PEAK1: variants seen among roughly 807,000 people sequenced by gnomAD.
PEAK1 encodes pseudopodium enriched atypical kinase 1, also known as inactive tyrosine-protein kinase PEAK1.
In PEAK1, 54 loss-of-function variants were observed where a neutral mutation model predicts 124.7. The ratio of observed to expected loss-of-function variants is 0.43; its 90% CI spans 0.35 to 0.54. The LOEUF (loss-of-function observed/expected upper bound fraction) is 0.54. Ranked by LOEUF, PEAK1 falls within the 20% of genes least tolerant of loss-of-function variation. The probability of loss-of-function intolerance (pLI) is 0.01; values close to 1 mark genes in which losing one functional copy is unlikely to be tolerated. For missense variants in PEAK1, 2,046 were observed against 2,134.5 expected, an observed-to-expected ratio of 0.96 and a Z score of 0.82; for synonymous variants, 719 against 760.0, an observed-to-expected ratio of 0.95 and a Z score of 0.89.
chr15:77,248,598 AC>A (rs899794092), intron 6 of PEAK1, among the ~76,000 whole-genome samples: 10 of 152,142 alleles, frequency 6.6e-5, no homozygotes, highest in African/African-American at 2.4e-4. Context: ...GTGAAAAGAC[AC>A]CATCTATGAA....
intron 1 of PEAK1, chr15:77,419,590 G>T: frequency 1.0e-6 from 1 of 985,112 alleles, no homozygotes; most frequent in East Asian, 1.1e-4. Flanking sequence ...AGGAGCCAGA[G>T]AAGCCCCTCC....
At chr15:77,206,289 A>G (rs1039833854) in intron 6 of PEAK1, among the ~76,000 whole-genome samples, 10 of 146,996 alleles carry the variant, frequency 6.8e-5, no homozygotes, top group East Asian at 2.0e-4. Flanking sequence ...ATAAACATAC[A>G]TGTGCATGTG....
intron 8 of PEAK1, chr15:77,157,334 T>C (rs1490892492): frequency 6.6e-6 from 1 of 152,244 alleles, no homozygotes; most frequent in Non-Finnish European, 1.5e-5. Flanking sequence ...CTGCATGTAG[T>C]AGTCCAGGCT....
chr15:77,355,913 T>C, intron 2 of PEAK1: 2 of 985,364 alleles, frequency 2.0e-6, no homozygotes, highest in Non-Finnish European at 2.4e-6. Context: ...CTGGGTTGAC[T>C]AGGACCCCTG....
At chr15:77,255,508 C>T in intron 5 of PEAK1, 5 of 431,422 alleles carry the variant, frequency 1.2e-5, no homozygotes, top group Non-Finnish European at 1.5e-5. Context: ...TGAAGACATG[C>T]AAACAAGAAA....
At chr15:77,378,211 T>A (rs919895006) in intron 1 of PEAK1, among the ~76,000 whole-genome samples, 8 of 147,140 alleles carry the variant, frequency 5.4e-5, no homozygotes, top group East Asian at 2.0e-4. Context: ...TATATATACA[T>A]AATCCCATAA....
chr15:77,320,567 G>A (rs559656724), intron 2 of PEAK1, among the ~76,000 whole-genome samples: 7 of 152,084 alleles, frequency 4.6e-5, no homozygotes, highest in South Asian at 4.1e-4. Flanking sequence ...ATTGTTTTTC[G>A]TATCTGGGAG....
intron 6 of PEAK1, among the ~76,000 whole-genome samples, chr15:77,221,418 G>A (rs186502264): frequency 7.2e-5 from 11 of 152,190 alleles, no homozygotes; most frequent in Non-Finnish European, 1.2e-4. Context: ...TTTGTGAGCA[G>A]CCAGATGGTT....
At chr15:77,224,253 T>C (rs1244072951) in intron 6 of PEAK1, among the ~76,000 whole-genome samples, 1 of 152,012 alleles carries the variant, frequency 6.6e-6, no homozygotes, top group Non-Finnish European at 1.5e-5. Context: ...ACTAACATTC[T>C]TAACATTCCA....
intron 9 of PEAK1, among the ~76,000 whole-genome samples, chr15:77,128,869 T>C (rs952791051): frequency 6.6e-6 from 1 of 152,210 alleles, no homozygotes. Context: ...GATGCTGTCA[T>C]AAATAAGACT....
chr15:77,369,204 A>T (rs1194073522), intron 1 of PEAK1, among the ~76,000 whole-genome samples: 1 of 152,230 alleles, frequency 6.6e-6, no homozygotes, highest in Non-Finnish European at 1.5e-5. Flanking sequence ...TTTGTATGTG[A>T]ATCACGGTAC....
chr15:77,346,080 C>A, intron 2 of PEAK1: 1 of 985,420 alleles, frequency 1.0e-6, no homozygotes, highest in Non-Finnish European at 1.2e-6. Context: ...ATCGAAGGCA[C>A]AACGACTATG....
intron 5 of PEAK1, among the ~76,000 whole-genome samples, chr15:77,263,492 C>A (rs1295996200): frequency 6.6e-6 from 1 of 152,152 alleles, no homozygotes; most frequent in African/African-American, 2.4e-5. Flanking sequence ...CACAAATAAA[C>A]TAGAAAATCT....
chr15:77,398,076 A>C lies in PEAK1; in HGVS notation c.-666+21930T>G, dbSNP rs1159068181. Among the ~76,000 whole-genome samples, 4 of 152,170 alleles carry C rather than the reference A, an allele frequency of 2.6e-5. No individual in the cohort carries two copies. The East Asian group carries it at 7.7e-4, about 29-fold the overall frequency. On this transcript the variant is annotated intron_variant, in intron 1 of 9. Coordinates refer to ENST00000682557, the MANE Select transcript of PEAK1 (RefSeq NM_001385026.1). ...GCAAAACTCCATCTCAAAAAAATAA[A>C]TAAAATAAAATAAATAATGAGATCA...
At chr15:77,401,232 T>C (rs1196933188) in intron 1 of PEAK1, among the ~76,000 whole-genome samples, 1 of 152,190 alleles carries the variant, frequency 6.6e-6, no homozygotes, top group Non-Finnish European at 1.5e-5. Flanking sequence ...TACAGATTAA[T>C]GGTTCACAAT....
chr15:77,321,652 T>G (rs1046586477), intron 2 of PEAK1, among the ~76,000 whole-genome samples: 1 of 152,218 alleles, frequency 6.6e-6, no homozygotes, highest in Non-Finnish European at 1.5e-5. Context: ...CAGAAGCTCT[T>G]TAGTTTAATT....
intron 9 of PEAK1, among the ~76,000 whole-genome samples, chr15:77,127,948 G>A (rs1395575345): frequency 1.3e-5 from 2 of 151,922 alleles, no homozygotes; most frequent in African/African-American, 2.4e-5. Context: ...GTGTGGTGAC[G>A]GACGCCTGTA....
intron 6 of PEAK1, among the ~76,000 whole-genome samples, chr15:77,219,027 G>A (rs1042311224): frequency 1.3e-5 from 2 of 152,054 alleles, no homozygotes; most frequent in African/African-American, 4.8e-5. Context: ...GTAAATTGTT[G>A]AATACCAGCT....
chr15:77,237,907 T>TA (rs1376529080), intron 6 of PEAK1, among the ~76,000 whole-genome samples: 1 of 152,176 alleles, frequency 6.6e-6, no homozygotes, highest in African/African-American at 2.4e-5. Flanking sequence ...CTCAACCTTC[T>TA]AGTCTATGTT....
Sources: allele counts gnomAD v4.1 joint callset (sites outside exome capture counted in the v4.1 genomes callset), GRCh38; gene constraint gnomAD v4.1.1; transcripts MANE v1.5; gene names NCBI Gene and HGNC (gene_info 2026-07-23, HGNC 2026-07-21).